JAZF1: variants seen among roughly 807,000 people sequenced by gnomAD.
JAZF1 encodes the protein juxtaposed with another zinc finger protein 1.
In JAZF1, 8 loss-of-function variants were observed where a neutral mutation model predicts 26.4. The observed-to-expected ratio is 0.30, with a 90% confidence interval of 0.18 to 0.55. The LOEUF (loss-of-function observed/expected upper bound fraction) is 0.55. Ranked by LOEUF, JAZF1 falls within the 20% of genes least tolerant of loss-of-function variation. The pLI, the probability that JAZF1 is intolerant of heterozygous loss-of-function variation, is 0.94. For missense variants in JAZF1, 199 were observed against 322.0 expected, an observed-to-expected ratio of 0.62 and a Z score of 2.92; for synonymous variants, 126 against 122.3, an observed-to-expected ratio of 1.03 and a Z score of -0.20.
intron 1 of JAZF1, among the ~76,000 whole-genome samples, chr7:28,019,511 ACCCTGGACCGTGG>A (rs915974246): frequency 1.3e-5 from 2 of 151,982 alleles, no homozygotes; most frequent in African/African-American, 4.8e-5. Context: ...GACAGAACTC[ACCCTGGACCGTGG>A]CCCTTCCCCT....
chr7:27,865,873 C>T (rs997686914), intron 3 of JAZF1, among the ~76,000 whole-genome samples: 5 of 152,154 alleles, frequency 3.3e-5, no homozygotes, highest in East Asian at 1.9e-4. Flanking sequence ...CTTTAGGACA[C>T]GGGGCACATT....
chr7:27,854,282 T>A (rs774766579), intron 3 of JAZF1, among the ~76,000 whole-genome samples: 1 of 152,250 alleles, frequency 6.6e-6, no homozygotes, highest in Non-Finnish European at 1.5e-5. Context: ...GAGATGGGTC[T>A]CCCGAATACA....
chr7:27,887,979 G>A (rs1160645364), intron 3 of JAZF1, among the ~76,000 whole-genome samples: 3 of 152,260 alleles, frequency 2.0e-5, no homozygotes, highest in Non-Finnish European at 2.9e-5. Flanking sequence ...GAAGAGACAA[G>A]GATTAGAACA....
chr7:27,846,534 G>A (rs1039686587), intron 3 of JAZF1: 7 of 470,978 alleles, frequency 1.5e-5, no homozygotes, highest in Non-Finnish European at 3.1e-5. Flanking sequence ...TTCCTGGGGT[G>A]ATGATCTCAT....
At chr7:27,847,570 C>A (rs567696512) in intron 3 of JAZF1, among the ~76,000 whole-genome samples, 2 of 152,176 alleles carry the variant, frequency 1.3e-5, no homozygotes, top group Non-Finnish European at 2.9e-5. Flanking sequence ...TCTGTGCCCT[C>A]GTCAAAAAGC....
rs186061893 is a variant in JAZF1, at chr7:27,873,902, T to G, written c.385+21318A>C. ...GAGAAGGTAGACTGAGACACTCTGA[T>G]GCAATTATTATATGGACTAAAAACA... On this transcript the variant is annotated intron_variant, in intron 3 of 4. Coordinates refer to ENST00000283928, the MANE Select transcript of JAZF1 (RefSeq NM_175061.4). Among the ~76,000 whole-genome samples, 6 of 152,312 alleles carry G rather than the reference T, an allele frequency of 3.9e-5. No homozygotes were observed. The East Asian group carries it at 1.2e-3, about 29-fold the overall frequency.
chr7:27,954,119 C>T (rs1252321860), intron 2 of JAZF1, among the ~76,000 whole-genome samples: 1 of 152,214 alleles, frequency 6.6e-6, no homozygotes, highest in African/African-American at 2.4e-5. Flanking sequence ...TAACTGCAAA[C>T]ATCCTAGAGG....
At chr7:27,994,111 A>C (rs1785963409) in intron 1 of JAZF1, among the ~76,000 whole-genome samples, 2 of 152,202 alleles carry the variant, frequency 1.3e-5, no homozygotes, top group Non-Finnish European at 2.9e-5. Context: ...ATGTGTACAA[A>C]GATACATTTA....
chr7:28,146,917 C>T (rs1283567784), intron 1 of JAZF1, among the ~76,000 whole-genome samples: 21 of 149,136 alleles, frequency 1.4e-4, no homozygotes, highest in African/African-American at 4.2e-4. Flanking sequence ...AGTGCAATGG[C>T]GTGATCTCAG....
intron 1 of JAZF1, among the ~76,000 whole-genome samples, chr7:28,094,324 A>G (rs949768665): frequency 2.0e-5 from 3 of 152,264 alleles, no homozygotes; most frequent in Admixed American, 1.3e-4. Context: ...CAGAGGCTAC[A>G]TTGCCAGCCT....
At chr7:28,162,198 A>C (rs1015174864) in intron 1 of JAZF1, among the ~76,000 whole-genome samples, 5 of 152,232 alleles carry the variant, frequency 3.3e-5, no homozygotes, top group Admixed American at 2.6e-4. Context: ...ACAGTAATAG[A>C]ATTATAGCTA....
At chr7:27,960,835 G>T (rs953197448) in intron 2 of JAZF1, among the ~76,000 whole-genome samples, 5 of 152,166 alleles carry the variant, frequency 3.3e-5, no homozygotes, top group Non-Finnish European at 1.5e-5. Flanking sequence ...GACAAGGAAG[G>T]AATGGCAAGG....
At chr7:28,005,030 C>T (rs1583504164) in intron 1 of JAZF1, among the ~76,000 whole-genome samples, 1 of 152,100 alleles carries the variant, frequency 6.6e-6, no homozygotes, top group Admixed American at 6.6e-5. Flanking sequence ...AAGTATTAAG[C>T]TTAGTAATTA....
intron 1 of JAZF1, among the ~76,000 whole-genome samples, chr7:28,050,399 T>G (rs569796446): frequency 6.6e-6 from 1 of 152,314 alleles, no homozygotes; most frequent in South Asian, 2.1e-4. Flanking sequence ...GAAAATGTCC[T>G]GATTTTAGAC....
rs2128370217 is a variant in JAZF1 at position 28,011,062 on chromosome 7, T to C, written c.116-19081A>G. Among the ~76,000 whole-genome samples, 7 of 152,322 alleles carry C rather than the reference T, an allele frequency of 4.6e-5. No homozygotes were observed. In the South Asian group the frequency reaches 1.4e-3, roughly 32 times the overall value. Reference sequence around the variant, plus strand: ...CCTGGCAGGGTGTTTCTGCTTACGATGCTAATGAGATTTTACTTGAAAGAT... The same window carrying C: ...CCTGGCAGGGTGTTTCTGCTTACGACGCTAATGAGATTTTACTTGAAAGAT... On this transcript the variant is annotated intron_variant, in intron 1 of 4. Transcript: ENST00000283928.
chr7:28,012,970 C>A (rs1222510757), intron 1 of JAZF1, among the ~76,000 whole-genome samples: 2 of 152,198 alleles, frequency 1.3e-5, no homozygotes, highest in African/African-American at 4.8e-5. Flanking sequence ...GTGACCCTCC[C>A]ATCTGCTCCT....
At chr7:27,843,873 A>G (rs534881884) in intron 3 of JAZF1, 259 of 152,424 alleles carry the variant, frequency 1.7e-3, no homozygotes, top group Non-Finnish European at 2.9e-3. Flanking sequence ...TGCCTGGCCC[A>G]TGGTAGGCCT....
At chr7:27,836,629 A>C (rs1170628589) in intron 4 of JAZF1, among the ~76,000 whole-genome samples, 1 of 152,174 alleles carries the variant, frequency 6.6e-6, no homozygotes, top group Non-Finnish European at 1.5e-5. Context: ...AAGAGTAAGA[A>C]AACAAATTGG....
chr7:27,942,880 T>C (rs1481076345), intron 2 of JAZF1, among the ~76,000 whole-genome samples: 1 of 152,146 alleles, frequency 6.6e-6, no homozygotes, highest in Non-Finnish European at 1.5e-5. Flanking sequence ...ACATAAGCCT[T>C]GGCCTTTGCA....
Sources: allele counts gnomAD v4.1 joint callset (sites outside exome capture counted in the v4.1 genomes callset), GRCh38; gene constraint gnomAD v4.1.1; transcripts MANE v1.5; gene names NCBI Gene and HGNC (gene_info 2026-07-23, HGNC 2026-07-21).